Variants in CD55 observed in about 807,000 individuals in gnomAD.
CD55 encodes complement decay-accelerating factor.
Under a neutral mutation model 45.8 loss-of-function variants are expected in CD55, and 41 were observed. That is an observed-to-expected ratio of 0.90 (90% CI 0.70 to 1.16). The LOEUF (loss-of-function observed/expected upper bound fraction) is 1.16. Among genes scored for constraint, CD55 ranks in the 50% most tolerant of loss-of-function variants. The probability of loss-of-function intolerance (pLI) is 0.00; values close to 1 mark genes in which losing one functional copy is unlikely to be tolerated. For missense variants in CD55, 416 were observed against 469.8 expected (o/e 0.89, Z 1.06); for synonymous variants, 181 against 181.1 (o/e 1.00, Z 0.01).
At chr1:207,322,817 T>A (rs1654486513) in intron 2 of CD55, among the ~76,000 whole-genome samples, 1 of 152,186 alleles carries the variant, frequency 6.6e-6, no homozygotes, top group Admixed American at 6.5e-5. Context: ...AAATAAACAA[T>A]AGGTATTGTT....
At chr1:207,339,446 A>C in intron 9 of CD55, 29 bp downstream of exon 9, 1 of 1,580,664 alleles carries the variant, frequency 6.3e-7, no homozygotes, top group South Asian at 1.1e-5. Flanking sequence ...CCATTAAAAG[A>C]AATTGTTTTC....
chr1:207,324,349 T>A (rs1572868471), intron 2 of CD55, among the ~76,000 whole-genome samples: 1 of 152,096 alleles, frequency 6.6e-6, no homozygotes, highest in East Asian at 1.9e-4. Context: ...CCAACTCTAC[T>A]TCCTAAGCCT....
intron 5 of CD55, among the ~76,000 whole-genome samples, chr1:207,329,244 AC>A (rs955560687): frequency 3.3e-5 from 5 of 152,112 alleles, no homozygotes; most frequent in African/African-American, 1.2e-4. Flanking sequence ...CAAACATCCC[AC>A]CAACAGGGGA....
intron 2 of CD55, among the ~76,000 whole-genome samples, chr1:207,322,990 A>T (rs959007596): frequency 6.6e-6 from 1 of 152,156 alleles, no homozygotes; most frequent in Admixed American, 6.5e-5. Flanking sequence ...TTATACTTGT[A>T]CATATTTATA....
chr1:207,346,120 G>A (rs1045255525), intron 9 of CD55, among the ~76,000 whole-genome samples: 1 of 152,272 alleles, frequency 6.6e-6, no homozygotes, highest in African/African-American at 2.4e-5. Context: ...GGGGGCATGG[G>A]TGATGGCAGT....
At chr1:207,329,383 A>G (rs1654839042) in intron 5 of CD55, among the ~76,000 whole-genome samples, 1 of 152,194 alleles carries the variant, frequency 6.6e-6, no homozygotes, top group African/African-American at 2.4e-5. Flanking sequence ...CTTTCACTCT[A>G]TTAATGTTTC....
chr1:207,328,684 A>ATT (rs1654797514), intron 5 of CD55, among the ~76,000 whole-genome samples: 1 of 152,218 alleles, frequency 6.6e-6, no homozygotes, highest in Non-Finnish European at 1.5e-5. Context: ...AATCCCTGCT[A>ATT]TATGACTATC....
At chr1:207,340,437 C>A in intron 9 of CD55, 1 of 640,898 alleles carries the variant, frequency 1.6e-6, no homozygotes, top group South Asian at 1.7e-5. Context: ...GTGATCGTAG[C>A]TCACTGCAGT....
Position 207,336,743 on chromosome 1 carries a change from G to T in CD55, c.904G>T (p.Val302Leu), listed in dbSNP as rs1481075054. 6.2e-7 allele frequency: 1 copy of T among 1,613,828 alleles called. No individual in the cohort carries two copies. The highest frequency in any genetic ancestry group is 1.1e-5 in the South Asian group (1 of 91,064). The part of the protein sequence containing the change: ...VPPTVQKPTT[V>L]NVPTTEVSPT... ...ACCAACAGTTCAGAAACCTACCACA[G>T]TAAATGTTCCAACTACAGAAGTCTC... is the stretch of plus-strand genomic sequence containing the variant. The change falls in exon 7 of 10, where the codon GTA becomes TTA. Residue 302 changes from valine to leucine, a missense_variant. Physicochemically the swap from Val to Leu is conservative, Grantham distance 32 (BLOSUM62 1). Transcript: ENST00000367064.
At chr1:207,330,026 T>G (rs576605349) in intron 5 of CD55, among the ~76,000 whole-genome samples, 1 of 89,234 alleles carries the variant, frequency 1.1e-5, no homozygotes, top group Admixed American at 1.2e-4. Context: ...TTGAAATCAT[T>G]TCTGAATCTT....
At chr1:207,331,760 C>A (rs559713416) in intron 6 of CD55, among the ~76,000 whole-genome samples, 5 of 152,282 alleles carry the variant, frequency 3.3e-5, no homozygotes, top group Non-Finnish European at 5.9e-5. Flanking sequence ...TCCAGAATTT[C>A]TATTATTATC....
chr1:207,356,317 G>A (rs533087677), intron 9 of CD55, among the ~76,000 whole-genome samples: 32 of 152,166 alleles, frequency 2.1e-4, no homozygotes, highest in Non-Finnish European at 2.9e-4. Flanking sequence ...AAATTTTGGC[G>A]TGTCTCTGTA....
Position 207,350,937 on chromosome 1 carries a change from T to A in CD55, c.1082-8609T>A, listed in dbSNP as rs145365091. Among the ~76,000 whole-genome samples, 635 of 152,294 alleles carry A rather than the reference T, an allele frequency of 4.2e-3. 5 individuals carry two copies. The highest frequency in any genetic ancestry group is 0.014 in the African/African-American group (600 of 41,564). On this transcript the variant is annotated intron_variant, in intron 9 of 9. Transcript: ENST00000367064. The stretch of plus-strand genomic sequence containing the variant: ...TTTTTTCTACATCCTCTAGAGGTGA[T>A]GTTACTTTGTTAATTTGAGATTTTT...
chr1:207,338,937 A>G (rs1558151027), intron 8 of CD55, among the ~76,000 whole-genome samples: 1 of 152,138 alleles, frequency 6.6e-6, no homozygotes. Context: ...TATTTTTGCA[A>G]TGCCCCATCC....
chr1:207,339,538 T>C lies in CD55; in HGVS notation c.1081+121T>C. On this transcript the variant is annotated intron_variant, in intron 9 of 9. Coordinates refer to ENST00000367064, the MANE Select transcript of CD55 (RefSeq NM_000574.5). The stretch of plus-strand genomic sequence containing the variant: ...AAAAATGTATCCTGCAATTTATTTT[T>C]AAACTTTTTAGTATGGAAAACTTTA... The C allele has an allele frequency of 6.3e-6, 5 of 794,992 alleles. No homozygotes were observed. The South Asian group carries it at 9.2e-5, about 15-fold the overall frequency. The allele number at this position is 794,992 out of a possible 1,614,324, so 49.2% of individuals were successfully genotyped here. A position where few individuals can be genotyped will look rare whatever the true frequency, so the allele number is the denominator to read the frequency against.
At chr1:207,322,003 C>G in intron 1 of CD55, 138 bp downstream of exon 1, 1 of 634,988 alleles carries the variant, frequency 1.6e-6, no homozygotes, top group South Asian at 1.9e-5. Context: ...CGTCCTGTGC[C>G]TTTAAGGCTC....
intron 9 of CD55, among the ~76,000 whole-genome samples, chr1:207,358,195 T>G (rs184473469): frequency 3.3e-4 from 51 of 152,312 alleles, no homozygotes; most frequent in Admixed American, 1.8e-3. Flanking sequence ...ACTTGCTTTA[T>G]TTTGGAAACA....
chr1:207,344,774 G>C (rs996822852), intron 9 of CD55, among the ~76,000 whole-genome samples: 2 of 151,376 alleles, frequency 1.3e-5, no homozygotes, highest in Non-Finnish European at 2.9e-5. Flanking sequence ...GTACAGTGGC[G>C]CAATCTCAGC....
intron 9 of CD55, among the ~76,000 whole-genome samples, chr1:207,353,591 A>G (rs1363186572): frequency 2.0e-5 from 3 of 152,174 alleles, no homozygotes; most frequent in Admixed American, 6.5e-5. Context: ...CTTAAGTCCC[A>G]TTATAAAGTG....
Sources: gnomAD v4.1 joint callset for allele counts (sites outside exome capture counted in the v4.1 genomes callset) on GRCh38, gnomAD v4.1.1 for gene constraint, MANE v1.5 for transcripts, NCBI Gene and HGNC (gene_info 2026-07-23, HGNC 2026-07-21) for gene names.